The following PTTG1IP2 variants were observed in gnomAD, a reference collection of about 807,000 sequenced individuals.
PTTG1IP2 encodes PTTG1IP family member 2.
chr7:90,481,350 G>A (rs564588236), intron 2 of PTTG1IP2, among the ~76,000 whole-genome samples: 5 of 151,998 alleles, frequency 3.3e-5, no homozygotes, highest in South Asian at 4.1e-4. Context: ...TTATATTTTC[G>A]TTTGCTGTGC....
chr7:90,487,783 T>C (rs1436978451), intron 3 of PTTG1IP2, among the ~76,000 whole-genome samples: 1 of 152,218 alleles, frequency 6.6e-6, no homozygotes, highest in African/African-American at 2.4e-5. Context: ...TAAATTTCCA[T>C]TTCTAAAATC....
At chr7:90,491,814 A>C (rs1032785018) in intron 4 of PTTG1IP2, among the ~76,000 whole-genome samples, 6 of 152,178 alleles carry the variant, frequency 3.9e-5, no homozygotes, top group Non-Finnish European at 8.8e-5. Flanking sequence ...GGATAAAAGA[A>C]GAATTTGATA....
rs368843729 is a variant in PTTG1IP2, at chr7:90,494,447, T to C, written c.*50+17T>C. 1 of 152,246 alleles carries C rather than the reference T, an allele frequency of 6.6e-6. No individual in the cohort carries two copies. The highest frequency in any genetic ancestry group is 6.5e-5 in the Admixed American group (1 of 15,286). 9.4% of individuals were successfully genotyped at this position (152,246 alleles called of 1,614,324 possible). ...TCTTCAATGGTAAGGTTTCAAATTATATTGCGTGAATTTTCTGCATGCCAT... is the reference window on the plus strand; with the variant it reads ...TCTTCAATGGTAAGGTTTCAAATTACATTGCGTGAATTTTCTGCATGCCAT... On this transcript the variant is annotated intron_variant, in intron 6 of 6. Coordinates refer to ENST00000509356, the MANE Select transcript of PTTG1IP2 (RefSeq NM_001365443.2).
At chr7:90,495,048 A>G (rs572576844) in intron 6 of PTTG1IP2, among the ~76,000 whole-genome samples, 15 of 152,302 alleles carry the variant, frequency 9.8e-5, no homozygotes, top group African/African-American at 2.9e-4. Flanking sequence ...TTAAAAGGGA[A>G]GGCAGCAGAA....
chr7:90,507,182 G>A (rs1466325676), intron 6 of PTTG1IP2, among the ~76,000 whole-genome samples: 1 of 152,186 alleles, frequency 6.6e-6, no homozygotes, highest in Non-Finnish European at 1.5e-5. Context: ...ATACAGTGTA[G>A]GGATAACATT....
At chr7:90,507,177 G>A (rs1798134051) in intron 6 of PTTG1IP2, among the ~76,000 whole-genome samples, 2 of 152,338 alleles carry the variant, frequency 1.3e-5, no homozygotes, top group African/African-American at 4.8e-5. Context: ...TCAAAATACA[G>A]TGTAGGGATA....
intron 1 of PTTG1IP2, among the ~76,000 whole-genome samples, chr7:90,477,873 G>A (rs1202233855): frequency 1.3e-5 from 2 of 151,966 alleles, no homozygotes; most frequent in Non-Finnish European, 2.9e-5. Context: ...TGAGGCGGGC[G>A]GATCACGAGG....
At chr7:90,485,991 T>C (rs914758537) in intron 2 of PTTG1IP2, among the ~76,000 whole-genome samples, 12 of 152,220 alleles carry the variant, frequency 7.9e-5, no homozygotes, top group African/African-American at 2.4e-4. Context: ...CAAGACTCAT[T>C]CAGTGAAAGT....
intron 6 of PTTG1IP2, among the ~76,000 whole-genome samples, chr7:90,498,546 TAA>T (rs1397928176): frequency 6.6e-6 from 1 of 152,158 alleles, no homozygotes; most frequent in African/African-American, 2.4e-5. Flanking sequence ...AAATAGACTT[TAA>T]GTCCAAAACT....
At position 90,497,694 on chromosome 7, in the gene PTTG1IP2, G is replaced by C. The variant is rs540328178; in HGVS notation, c.*50+3264G>C. Among the ~76,000 whole-genome samples, 3 of 115,218 alleles carry C rather than the reference G, an allele frequency of 2.6e-5. No homozygotes were observed. The South Asian group carries it at 9.2e-4, about 35-fold the overall frequency. The allele number at this position is 115,218 out of a possible 152,430, so 75.6% of individuals were successfully genotyped here. ...ATCATACCACTGTACTCCAGCCTGA[G>C]CGACAGAGAAAGACCCTGTATAAAA... On this transcript the variant is annotated intron_variant, in intron 6 of 6. Transcript: ENST00000509356.
chr7:90,495,974 T>C (rs1304389196), intron 6 of PTTG1IP2, among the ~76,000 whole-genome samples: 1 of 152,246 alleles, frequency 6.6e-6, no homozygotes, highest in Non-Finnish European at 1.5e-5. Context: ...GGGGGAGTAC[T>C]CTTTGACCTG....
At chr7:90,470,693 G>A (rs1175956985) in intron 1 of PTTG1IP2, among the ~76,000 whole-genome samples, 1 of 152,144 alleles carries the variant, frequency 6.6e-6, no homozygotes, top group Non-Finnish European at 1.5e-5. Flanking sequence ...AGGGGGTAGG[G>A]TTGGGGCGAC....
chr7:90,482,155 C>A (rs1466459658), intron 2 of PTTG1IP2, among the ~76,000 whole-genome samples: 10 of 152,050 alleles, frequency 6.6e-5, no homozygotes, highest in Admixed American at 6.6e-4. Flanking sequence ...GTTTCTGCCA[C>A]CTCCTATACT....
intron 4 of PTTG1IP2, among the ~76,000 whole-genome samples, chr7:90,489,715 G>A (rs992219521): frequency 6.6e-6 from 1 of 151,954 alleles, no homozygotes; most frequent in Non-Finnish European, 1.5e-5. Flanking sequence ...ATACATGATT[G>A]TATAAATGTT....
At chr7:90,482,613 A>G (rs925508416) in intron 2 of PTTG1IP2, among the ~76,000 whole-genome samples, 2 of 152,152 alleles carry the variant, frequency 1.3e-5, no homozygotes, top group African/African-American at 4.8e-5. Flanking sequence ...CTAAAAAAGG[A>G]GAAGCATCTT....
chr7:90,486,184 G>A (rs1797873056), intron 2 of PTTG1IP2, among the ~76,000 whole-genome samples: 1 of 152,044 alleles, frequency 6.6e-6, no homozygotes, highest in Non-Finnish European at 1.5e-5. Flanking sequence ...TGATTGGGTG[G>A]GGTCTGGGTT....
chr7:90,511,260 G>A (rs1354155019), intron 6 of PTTG1IP2, among the ~76,000 whole-genome samples: 1 of 152,148 alleles, frequency 6.6e-6, no homozygotes, highest in Non-Finnish European at 1.5e-5. Flanking sequence ...TCTAGTTGCT[G>A]AGAGGATAGC....
At chr7:90,476,871 G>C (rs1447594509) in intron 1 of PTTG1IP2, among the ~76,000 whole-genome samples, 4 of 151,862 alleles carry the variant, frequency 2.6e-5, no homozygotes, top group Non-Finnish European at 5.9e-5. Context: ...AGCTGTTCTT[G>C]AAAAATTTTC....
At chr7:90,495,559 G>C (rs1797982794) in intron 6 of PTTG1IP2, among the ~76,000 whole-genome samples, 1 of 152,182 alleles carries the variant, frequency 6.6e-6, no homozygotes, top group African/African-American at 2.4e-5. Context: ...ACAGAAAGGA[G>C]GTCTCTAGCT....
Sources: allele counts gnomAD v4.1 joint callset (sites outside exome capture counted in the v4.1 genomes callset), GRCh38; gene constraint gnomAD v4.1.1; transcripts MANE v1.5; gene names NCBI Gene and HGNC (gene_info 2026-07-23, HGNC 2026-07-21).